The following HIP1 variants were observed in gnomAD, a reference collection of about 807,000 sequenced individuals.
The protein encoded by HIP1 is huntingtin-interacting protein 1.
In HIP1, 65 loss-of-function variants were observed where a neutral mutation model predicts 147.6. The ratio of observed to expected loss-of-function variants is 0.44; its 90% confidence interval spans 0.36 to 0.54. The LOEUF is 0.54. HIP1 is among the 20% of genes least tolerant of loss of function. The pLI is 0.00. For missense variants in HIP1, 1,061 were observed against 1,299.6 expected (o/e 0.82, Z 2.82); for synonymous variants, 479 against 504.0 (o/e 0.95, Z 0.67).
rs781501329 is a variant in HIP1 at position 75,533,545 on chromosome 7, G to A, written c.*4627C>T. On this transcript the variant is annotated 3_prime_UTR_variant, in exon 31 of 31. Transcript: ENST00000336926. ...CAACCCTATCCCTGCAAACTGAAAT[G>A]TGAAAGAGTCTGTTATAAGTTTGAG... 1.2e-4 allele frequency: 27 copies of A among 231,930 alleles called. No homozygotes were observed. The highest frequency in any genetic ancestry group is 1.7e-4 in the Admixed American group (3 of 17,720). The allele number at this position is 231,930 out of a possible 1,614,324, so 14.4% of individuals were successfully genotyped here. A position where few individuals can be genotyped will look rare whatever the true frequency, so the allele number is the denominator to read the frequency against.
Position 75,738,885 on chromosome 7 carries a change from G to T in HIP1, c.36C>A (p.Pro12=). 6.4e-7 allele frequency: 1 copy of T among 1,568,062 alleles called. No homozygotes were observed. Among genetic ancestry groups the T allele is most frequent in the East Asian group, 2.4e-5 (1 of 41,370 alleles). The change falls in exon 1 of 31, where the codon CCC becomes CCA. Residue 12 remains proline, a synonymous_variant. Transcript: ENST00000336926. ...GGCTCAGCACCTTGGGCAGTGGGTT[G>T]GGCACCTGCTTCATGGAGCTGGCCA... ...DRMASSMKQV[P]NPLPKVLSRR... is the part of the protein sequence containing the mutation.
intron 1 of HIP1, among the ~76,000 whole-genome samples, chr7:75,642,853 G>T (rs1407396918): frequency 6.6e-6 from 1 of 152,204 alleles, no homozygotes; most frequent in Admixed American, 6.5e-5. Context: ...CTGAGCCCAG[G>T]ACTACCTGGC....
intron 1 of HIP1, among the ~76,000 whole-genome samples, chr7:75,726,583 C>T (rs1289202226): frequency 2.6e-5 from 4 of 151,786 alleles, no homozygotes; most frequent in East Asian, 1.9e-4. Flanking sequence ...CATGCCTGGC[C>T]GGGCATTTTT....
chr7:75,561,340 T>C lies in HIP1; in HGVS notation c.1180A>G (p.Met394Val), dbSNP rs781829788. The change falls in exon 13 of 31, where the codon ATG (methionine) becomes GTG (valine). Residue 394 changes from methionine to valine, a missense_variant. Met to Val is a conservative substitution (Grantham distance 21, BLOSUM62 1). Coordinates refer to ENST00000336926, the MANE Select transcript of HIP1 (RefSeq NM_005338.7). ...GATCCAAGTTATACCTCAGTCTTCA[T>C]GTTTTCTAGCTGTGCCTTCAATCCA... ...ISGLKAQLEN[M>V]KTESQRVVLQ... 1.6e-5 allele frequency: 26 copies of C among 1,610,538 alleles called. No individual in the cohort carries two copies. Among genetic ancestry groups the C allele is most frequent in the Non-Finnish European group, 2.2e-5 (26 of 1,176,782 alleles).
intron 1 of HIP1, among the ~76,000 whole-genome samples, chr7:75,688,870 G>A (rs1035761175): frequency 2.0e-5 from 3 of 152,166 alleles, no homozygotes; most frequent in South Asian, 4.1e-4. Context: ...CCAGCTGACC[G>A]GGGCTTTCAT....
chr7:75,641,512 A>T, intron 1 of HIP1, among the ~76,000 whole-genome samples: 1 of 147,376 alleles, frequency 6.8e-6, no homozygotes, highest in African/African-American at 2.5e-5. Flanking sequence ...TTTCTTTGAG[A>T]CAAAGTCTCA....
At position 75,592,485 on chromosome 7, in the gene HIP1, C is replaced by T; in HGVS notation, c.214G>A (p.Gly72Arg). 1 of 1,610,934 alleles carries T rather than the reference C, an allele frequency of 6.2e-7. No individual in the cohort carries two copies. The highest frequency in any genetic ancestry group is 8.5e-7 in the Non-Finnish European group (1 of 1,179,358). Residue 72 changes from glycine to arginine, a missense_variant, in exon 3 of 31, where the codon GGG becomes AGG. Physicochemically the swap from Gly to Arg is moderately radical, Grantham distance 125. Transcript: ENST00000336926. ...ACAACAGACCAGAAGGTCTGTGCCCCTTTCTCATGGTGGGTGCCCAGTATG... is the reference window on the plus strand; with the variant it reads ...ACAACAGACCAGAAGGTCTGTGCCCTTTTCTCATGGTGGGTGCCCAGTATG... ...TCILGTHHEK[G>R]AQTFWSVVNR...
chr7:75,557,826 T>G (rs1795075239), intron 15 of HIP1, 56 bp from the exon 16 acceptor site: 3 of 1,294,036 alleles, frequency 2.3e-6, no homozygotes, highest in South Asian at 2.4e-5. Context: ...GAGGACATCC[T>G]CCTTCTAGGA....
At chr7:75,634,607 G>A (rs1055629944) in intron 1 of HIP1, among the ~76,000 whole-genome samples, 1 of 152,128 alleles carries the variant, frequency 6.6e-6, no homozygotes, top group Non-Finnish European at 1.5e-5. Context: ...TCCTCATGGG[G>A]TTGCAGTGAG....
chr7:75,666,487 A>C (rs187289831), intron 1 of HIP1, among the ~76,000 whole-genome samples: 13 of 152,312 alleles, frequency 8.5e-5, no homozygotes, highest in African/African-American at 3.1e-4. Flanking sequence ...TATATATTTA[A>C]AAAATAGATA....
intron 1 of HIP1, among the ~76,000 whole-genome samples, chr7:75,693,879 T>C (rs1470924378): frequency 6.6e-6 from 1 of 150,846 alleles, no homozygotes. Context: ...TAGCATCCAG[T>C]GTGGCTCTTG....
intron 12 of HIP1, among the ~76,000 whole-genome samples, chr7:75,561,857 G>A (rs1322302183): frequency 1.3e-5 from 2 of 152,088 alleles, no homozygotes; most frequent in Non-Finnish European, 2.9e-5. Context: ...TGTTGCCCAA[G>A]CTTGGTCTTA....
intron 2 of HIP1, among the ~76,000 whole-genome samples, chr7:75,594,631 G>A (rs367868688): frequency 1.3e-4 from 19 of 151,904 alleles, no homozygotes; most frequent in African/African-American, 3.1e-4. Context: ...AAAATTAGCC[G>A]GGCATGGTGG....
At chr7:75,671,984 C>T (rs1799742195) in intron 1 of HIP1, among the ~76,000 whole-genome samples, 1 of 152,198 alleles carries the variant, frequency 6.6e-6, no homozygotes, top group Non-Finnish European at 1.5e-5. Context: ...ATCCACCCGC[C>T]TCAGCCTCCC....
At chr7:75,645,640 G>A (rs1041059684) in intron 1 of HIP1, among the ~76,000 whole-genome samples, 11 of 152,052 alleles carry the variant, frequency 7.2e-5, no homozygotes, top group African/African-American at 1.4e-4. Context: ...ACCTGCACTC[G>A]TATGTTCATC....
At chr7:75,726,284 A>ATTTTT (rs60658791) in intron 1 of HIP1, among the ~76,000 whole-genome samples, 2 of 147,434 alleles carry the variant, frequency 1.4e-5, no homozygotes, top group Non-Finnish European at 1.5e-5. Flanking sequence ...GTGCCTGGGC[A>ATTTTT]TTTTTTTTTT....
chr7:75,721,711 A>G (rs1452084361), intron 1 of HIP1, among the ~76,000 whole-genome samples: 1 of 152,180 alleles, frequency 6.6e-6, no homozygotes, highest in Admixed American at 6.6e-5. Flanking sequence ...ACTAATTGCA[A>G]AAAGTCTTCC....
chr7:75,732,126 T>G (rs1480020509), intron 1 of HIP1, among the ~76,000 whole-genome samples: 1 of 152,114 alleles, frequency 6.6e-6, no homozygotes, highest in Non-Finnish European at 1.5e-5. Flanking sequence ...AAGTCCTGGC[T>G]TCTCGGTTCA....
intron 2 of HIP1, among the ~76,000 whole-genome samples, chr7:75,597,870 G>A (rs73702654): frequency 0.016 from 2,485 of 151,924 alleles, 72 homozygotes; most frequent in African/African-American, 0.055. Flanking sequence ...GGGATTAAGC[G>A]CTCCAGTTCC....
Sources: gnomAD v4.1 joint callset for allele counts (sites outside exome capture counted in the v4.1 genomes callset) on GRCh38, gnomAD v4.1.1 for gene constraint, MANE v1.5 for transcripts, NCBI Gene and HGNC (gene_info 2026-07-23, HGNC 2026-07-21) for gene names.